The following FADS2 variants were observed in gnomAD, a reference collection of about 807,000 sequenced individuals.
FADS2 encodes fatty acid desaturase 2, also known as acyl-CoA 6-desaturase.
In FADS2, 18 loss-of-function variants were observed where a neutral mutation model predicts 61.2. That is an observed-to-expected ratio of 0.29 (90% CI 0.20 to 0.44). The LOEUF (loss-of-function observed/expected upper bound fraction) is 0.44. Ranked by LOEUF, FADS2 falls within the 20% of genes least tolerant of loss-of-function variation. The probability of loss-of-function intolerance (pLI) is 1.00; values close to 1 mark genes in which losing one functional copy is unlikely to be tolerated. For synonymous variants in FADS2, 203 were observed against 223.9 expected, an observed-to-expected ratio of 0.91 and a Z score of 0.83; for missense variants, 322 against 572.7, an observed-to-expected ratio of 0.56 and a Z score of 4.47.
rs1289984140 is a variant in FADS2 at position 61,857,439 on chromosome 11, G to A, written c.806-15G>A. The A allele has an allele frequency of 6.2e-7, 1 of 1,612,766 alleles. No individual in the cohort carries two copies. The highest frequency in any genetic ancestry group is 8.5e-7 in the Non-Finnish European group (1 of 1,179,230). On this transcript the variant is annotated splice_polypyrimidine_tract_variant and intron_variant, in intron 6 of 11. Transcript: ENST00000278840. ...GTGGAATGGATGCCTCTAAGCGCCT[G>A]TCTCTCTCCTGCAGTTGGGCCGCCG...
At chr11:61,825,093 A>G (rs1281276047), upstream of FADS2, among the ~76,000 whole-genome samples, 1 of 152,122 alleles carries the variant, frequency 6.6e-6, no homozygotes, top group Non-Finnish European at 1.5e-5. Flanking sequence ...CTGGGATTAT[A>G]GGCATAAGCC....
chr11:61,849,174 C>CATG (rs1043667279), intron 5 of FADS2, among the ~76,000 whole-genome samples: 2 of 152,216 alleles, frequency 1.3e-5, no homozygotes, highest in Non-Finnish European at 2.9e-5. Context: ...GTATTACAGG[C>CATG]ATGAGCCAAC....
rs2067166352 is a variant in FADS2 at position 61,835,559 on chromosome 11, A to AT, written c.208-2219_208-2218insT. On this transcript the variant is annotated intron_variant, in intron 1 of 11. Transcript: ENST00000278840. ...CGGGCGTGTGCCACCACACCTGGCT[A>AT]ATTTTTTTTTTTTTTTTTGTATTTT... 2.0e-5 allele frequency among the ~76,000 whole-genome samples: 3 copies of AT among 146,496 alleles called. No individual in the cohort carries two copies. In the Admixed American group the frequency reaches 2.1e-4, roughly 10 times the overall value.
chr11:61,863,073 C>T lies in FADS2; in HGVS notation c.980+4C>T. The T allele has an allele frequency of 6.2e-7, 1 of 1,612,360 alleles. No individual in the cohort carries two copies. The highest frequency in any genetic ancestry group is 8.5e-7 in the Non-Finnish European group (1 of 1,178,360). ...TCCTTTTCCTCAACTTCATCAGGTG[C>T]CTGGGCTTTGCTGATTCATCCCTGG... On this transcript the variant is annotated splice_donor_region_variant and intron_variant, in intron 8 of 11. Coordinates refer to ENST00000278840, the MANE Select transcript of FADS2 (RefSeq NM_004265.4).
intron 1 of FADS2, 92 bp from the exon 2 acceptor site, chr11:61,837,686 A>G (rs945588554): frequency 1.2e-6 from 1 of 829,820 alleles, no homozygotes; most frequent in Non-Finnish European, 2.0e-6. Flanking sequence ...GGGTGCACAC[A>G]TGGAGCTGTT....
In FADS2 at chr11:61,840,432, C is replaced by T; in HGVS notation, c.417C>T (p.His139=). The T allele has an allele frequency of 4.3e-6, 7 of 1,614,198 alleles. No individual in the cohort carries two copies. The highest frequency in any genetic ancestry group is 1.1e-5 in the South Asian group (1 of 91,082). The change falls in exon 3 of 12, where the codon CAC becomes CAT. Residue 139 remains histidine (H), a synonymous_variant. Transcript: ENST00000278840. The part of the protein sequence containing the change: ...NHVFFLLLLA[H]IIALESIAWF... ...TGTTCTTCCTCCTCCTCCTGGCCCA[C>T]ATCATCGCCCTGGAGAGCATTGCAT...
intron 5 of FADS2, among the ~76,000 whole-genome samples, chr11:61,851,165 AG>A (rs2067303571): frequency 6.6e-6 from 1 of 152,176 alleles, no homozygotes; most frequent in Admixed American, 6.5e-5. Flanking sequence ...CCCTCTGATA[AG>A]TGGGGACAAA....
upstream of FADS2, chr11:61,827,918 T>C: frequency 7.5e-6 from 4 of 530,862 alleles, no homozygotes; most frequent in Non-Finnish European, 9.7e-6. The surrounding 1 kb of genome is among the most constrained non-coding windows in gnomAD (Gnocchi z 4.5). Context: ...TCCAGCCCGC[T>C]GGCCTTCGAA....
intron 1 of FADS2, among the ~76,000 whole-genome samples, chr11:61,835,339 G>A (rs754201850): frequency 1.1e-4 from 17 of 151,830 alleles, no homozygotes; most frequent in African/African-American, 3.9e-4. Flanking sequence ...AGATCCTTAC[G>A]TGTGGGGCTG....
Position 61,837,875 on chromosome 11 carries a change from A to C in FADS2, c.305A>C (p.Asp102Ala). The C allele has an allele frequency of 6.2e-7, 1 of 1,613,040 alleles. No individual in the cohort carries two copies. Among genetic ancestry groups the C allele is most frequent in the Non-Finnish European group, 8.5e-7 (1 of 1,179,348 alleles). Residue 102 changes from aspartate to alanine, a missense_variant, in exon 2 of 12, where the codon GAC becomes GCC. Transcript: ENST00000278840. ...GELAPEEPSQDHGKNSKITED... is the reference protein window; with the variant it reads ...GELAPEEPSQAHGKNSKITED... ...CTGGCCCCGGAGGAGCCCAGCCAGG[A>C]CCACGGCAAGAACGTAAGTCTGGCT...
upstream of FADS2, chr11:61,828,070 G>A: frequency 3.2e-6 from 4 of 1,238,390 alleles, no homozygotes; most frequent in Non-Finnish European, 2.0e-6. This position sits in a 1 kb window ranked among gnomAD's most constrained non-coding sequence, Gnocchi z 6.4. Flanking sequence ...GGCGGGCAGA[G>A]GAGGTGTCGA....
At position 61,865,171 on chromosome 11, in the gene FADS2, C is replaced by T. The variant is rs1445576780; in HGVS notation, c.1177C>T (p.Arg393Trp). ...IEHHLFPTMPRHNLHKIAPLV... is the reference protein window; with the variant it reads ...IEHHLFPTMPWHNLHKIAPLV... ...CCTCAGCCTCTTCCCCACCATGCCC[C>T]GGCACAACTTACACAAGATCGCCCC... is the stretch of plus-strand genomic sequence containing the variant. The change falls in exon 11 of 12, where the codon CGG becomes TGG. Residue 393 changes from arginine to tryptophan, a missense_variant. Physicochemically the swap from Arg to Trp is moderately radical, Grantham distance 101. Transcript: ENST00000278840. This position sits in a 1 kb window ranked among gnomAD's most constrained non-coding sequence, Gnocchi z 4.1. 7 of 1,613,676 alleles carry T rather than the reference C, an allele frequency of 4.3e-6. No individual in the cohort carries two copies. Among genetic ancestry groups the T allele is most frequent in the Admixed American group, 1.7e-5 (1 of 60,010 alleles).
At chr11:61,853,294 T>TCCTTCCTC (rs2067326312) in intron 5 of FADS2, among the ~76,000 whole-genome samples, 1 of 71,942 alleles carries the variant, frequency 1.4e-5, no homozygotes, top group Non-Finnish European at 2.8e-5. Context: ...CTCCCTCCCT[T>TCCTTCCTC]CCTTCCTTCC....
At chr11:61,833,628 G>A (rs1046736827) in intron 1 of FADS2, among the ~76,000 whole-genome samples, 17 of 152,208 alleles carry the variant, frequency 1.1e-4, no homozygotes, top group African/African-American at 3.9e-4. Flanking sequence ...CCTGCCTCAC[G>A]AAGTTTGGTA....
At chr11:61,832,741 A>G (rs1032294168) in intron 1 of FADS2, among the ~76,000 whole-genome samples, 3 of 152,102 alleles carry the variant, frequency 2.0e-5, no homozygotes, top group African/African-American at 7.2e-5. Context: ...CTTCATTTCC[A>G]CTGGAGAATG....
At chr11:61,828,242 G>T, upstream of FADS2, 3 of 1,436,558 alleles carry the variant, frequency 2.1e-6, no homozygotes, top group South Asian at 3.0e-5. This position sits in a 1 kb window ranked among gnomAD's most constrained non-coding sequence, Gnocchi z 6.4. Context: ...GGCTGGGGGA[G>T]GGGGCGCGGT....
intron 1 of FADS2, among the ~76,000 whole-genome samples, chr11:61,819,674 A>T (rs933570885): frequency 1.1e-4 from 16 of 152,260 alleles, no homozygotes; most frequent in Non-Finnish European, 1.3e-4. Context: ...AAATAATGTC[A>T]TCTTTCCTTT....
upstream of FADS2, among the ~76,000 whole-genome samples, chr11:61,825,656 G>A (rs2067078693): frequency 6.7e-6 from 1 of 149,948 alleles, no homozygotes; most frequent in Non-Finnish European, 1.5e-5. Flanking sequence ...CCTTTGGGAG[G>A]CCGAGGCAGG....
chr11:61,839,975 G>A (rs182430997), intron 2 of FADS2, among the ~76,000 whole-genome samples: 19 of 152,312 alleles, frequency 1.2e-4, no homozygotes, highest in Admixed American at 3.3e-4. Flanking sequence ...CCATTGCATG[G>A]ATAGACCACG....
Sources: gnomAD v4.1 joint callset for allele counts (sites outside exome capture counted in the v4.1 genomes callset) on GRCh38, gnomAD v4.1.1 for gene constraint, Gnocchi (gnomAD v3.1) non-coding constraint, MANE v1.5 for transcripts, NCBI Gene and HGNC (gene_info 2026-07-23, HGNC 2026-07-21) for gene names.